ADAM19: variants seen among roughly 807,000 people sequenced by gnomAD.
ADAM19 encodes ADAM metallopeptidase domain 19, also known as disintegrin and metalloproteinase domain-containing protein 19.
ADAM19 carries 65 observed loss-of-function variants against 114.7 expected under a neutral mutation model. The ratio of observed to expected loss-of-function variants is 0.57; its 90% CI spans 0.46 to 0.70. The LOEUF is 0.70. ADAM19 is among the 30% of genes least tolerant of loss of function. The pLI is 0.00. For synonymous variants in ADAM19, 466 were observed against 460.5 expected (o/e 1.01, Z -0.15); for missense variants, 1,063 against 1,204.7 (o/e 0.88, Z 1.74).
intron 2 of ADAM19, among the ~76,000 whole-genome samples, chr5:157,565,641 G>A (rs559879066): frequency 5.3e-5 from 8 of 151,562 alleles, no homozygotes; most frequent in Middle Eastern, 3.4e-3. Context: ...CCTGGGAGGC[G>A]AAGGTTGCAG....
In ADAM19 at chr5:157,499,597, G is replaced by C. The variant is rs114344861; in HGVS notation, c.1374C>G (p.His458Gln). The C allele has an allele frequency of 9.3e-6, 15 of 1,613,436 alleles. No homozygotes were observed. Among genetic ancestry groups the C allele is most frequent in the African/African-American group, 2.7e-5 (2 of 74,994 alleles). ...CTLRPGAECA[H>Q]GSCCHQCKLL... ...CCTTACACTGGTGGCAGCAGGAGCCGTGAGCACACTCCGCCCCCGGCCTCA... is the reference window on the plus strand; with the variant it reads ...CCTTACACTGGTGGCAGCAGGAGCCCTGAGCACACTCCGCCCCCGGCCTCA... The change falls in exon 13 of 23, where the codon CAC (histidine) becomes CAG (glutamine). Residue 458 changes from histidine (H) to glutamine (Q), a missense_variant. By Grantham distance (24) the His-to-Gln change is conservative. Around this residue, in one of 3 missense-constraint regions of ADAM19, gnomAD observed 615 missense variants for 706.3 expected, o/e 0.87. Coordinates refer to ENST00000257527, the MANE Select transcript of ADAM19 (RefSeq NM_033274.5).
intron 3 of ADAM19, among the ~76,000 whole-genome samples, chr5:157,556,220 T>C (rs9313644): frequency 0.084 from 10,891 of 129,972 alleles, 452 homozygotes; most frequent in Middle Eastern, 0.14. Context: ...TTTTTTTTTT[T>C]TTTTTTTTTT....
chr5:157,536,489 G>A (rs1475553871), intron 4 of ADAM19, among the ~76,000 whole-genome samples: 2 of 152,170 alleles, frequency 1.3e-5, no homozygotes, highest in Non-Finnish European at 2.9e-5. Context: ...TTAGCCAAGT[G>A]TGGTGATGCA....
At chr5:157,524,767 G>A (rs986267748) in intron 5 of ADAM19, among the ~76,000 whole-genome samples, 1 of 152,216 alleles carries the variant, frequency 6.6e-6, no homozygotes, top group African/African-American at 2.4e-5. Context: ...CTAGCTGTGT[G>A]GTAAGTGATG....
intron 3 of ADAM19, among the ~76,000 whole-genome samples, chr5:157,556,084 G>A: frequency 6.6e-6 from 1 of 152,108 alleles, no homozygotes; most frequent in South Asian, 2.1e-4. Context: ...CTCTGTCGCT[G>A]AGGCTGGAGT....
chr5:157,518,603 C>T (rs1034115399), intron 7 of ADAM19, among the ~76,000 whole-genome samples: 1 of 152,222 alleles, frequency 6.6e-6, no homozygotes, highest in Non-Finnish European at 1.5e-5. Context: ...AGGCTGGTCT[C>T]AAACTCCTGA....
chr5:157,480,935 C>G lies in ADAM19; in HGVS notation c.*14G>C. ...CAGAGAGCTCAAGGAAAGGGAGAAGCCCCTTGGACAGGTCTAGATTTTCGA... is the reference window on the plus strand; with the variant it reads ...CAGAGAGCTCAAGGAAAGGGAGAAGGCCCTTGGACAGGTCTAGATTTTCGA... On this transcript the variant is annotated 3_prime_UTR_variant, in exon 23 of 23. Transcript: ENST00000257527. 1 of 1,614,106 alleles carries G rather than the reference C, an allele frequency of 6.2e-7. No individual in the cohort carries two copies. Among genetic ancestry groups the G allele is most frequent in the South Asian group, 1.1e-5 (1 of 91,084 alleles).
chr5:157,494,619 A>G, intron 15 of ADAM19, 68 bp downstream of exon 15: 1 of 1,363,964 alleles, frequency 7.3e-7, no homozygotes, highest in Non-Finnish European at 1.0e-6. Flanking sequence ...TGAGTTGGGC[A>G]ACAGTGAGGA....
rs1754679493 is a variant in ADAM19 at position 157,479,295 on chromosome 5, T to C, written c.*1654A>G. The C allele has an allele frequency of 2.0e-6, 2 of 985,906 alleles. No individual in the cohort carries two copies. The highest frequency in any genetic ancestry group is 2.4e-6 in the Non-Finnish European group (2 of 830,000). The allele number at this position is 985,906 out of a possible 1,614,324, so 61.1% of individuals were successfully genotyped here. ...CCCAAGAACATCCAAGAAGCACCTA[T>C]TGTGTGCAGAGAACTATAAGGAGGC... On this transcript the variant is annotated 3_prime_UTR_variant, in exon 23 of 23. Transcript: ENST00000257527.
chr5:157,480,536 G>A lies in ADAM19; in HGVS notation c.*413C>T. The A allele has an allele frequency of 5.9e-6, 6 of 1,018,692 alleles. No homozygotes were observed. Among genetic ancestry groups the A allele is most frequent in the Non-Finnish European group, 7.1e-6 (6 of 850,526 alleles). The allele number at this position is 1,018,692 out of a possible 1,614,324, so 63.1% of individuals were successfully genotyped here. A position where few individuals can be genotyped will look rare whatever the true frequency, so the allele number is the denominator to read the frequency against. On this transcript the variant is annotated 3_prime_UTR_variant, in exon 23 of 23. Coordinates refer to ENST00000257527, the MANE Select transcript of ADAM19 (RefSeq NM_033274.5). ...CCCGGGACCTCTGAGGAGAGCAGAA[G>A]CAATGGGAAGCTCTCTTGCGTGCCC...
chr5:157,575,743 A>T lies in ADAM19; in HGVS notation c.-47T>A, dbSNP rs1394488839. The T allele has an allele frequency of 1.6e-6, 2 of 1,237,004 alleles. No homozygotes were observed. The highest frequency in any genetic ancestry group is 3.2e-5 in the East Asian group (1 of 31,466). The allele number at this position is 1,237,004 out of a possible 1,614,324, so 76.6% of individuals were successfully genotyped here. A position where few individuals can be genotyped will look rare whatever the true frequency, so the allele number is the denominator to read the frequency against. On this transcript the variant is annotated 5_prime_UTR_variant, in exon 1 of 23. Transcript: ENST00000257527. ...TCGGCGCTCACACGCCCTCAGCCAT[A>T]CCTGCCCACTGCCCGGCGGTGGAGG...
At chr5:157,491,973 A>T in intron 16 of ADAM19, 61 bp from the exon 17 acceptor site, 3 of 1,574,488 alleles carry the variant, frequency 1.9e-6, no homozygotes, top group Non-Finnish European at 2.6e-6. Context: ...GGGAGTTAGG[A>T]GGCAAGATTT....
intron 2 of ADAM19, among the ~76,000 whole-genome samples, chr5:157,567,816 A>C (rs1186152157): frequency 6.6e-6 from 1 of 151,926 alleles, no homozygotes; most frequent in Non-Finnish European, 1.5e-5. Flanking sequence ...AAAAAAATAA[A>C]AAAGAAAGAA....
intron 4 of ADAM19, among the ~76,000 whole-genome samples, chr5:157,535,450 T>C (rs148972006): frequency 6.8e-4 from 103 of 152,354 alleles, no homozygotes; most frequent in African/African-American, 2.2e-3. Flanking sequence ...CCATTTTTCA[T>C]TGAGCTCTCA....
intron 1 of ADAM19, among the ~76,000 whole-genome samples, chr5:157,574,142 A>G (rs538027233): frequency 7.9e-5 from 12 of 152,366 alleles, no homozygotes; most frequent in African/African-American, 2.9e-4. Flanking sequence ...ATATATCCAT[A>G]GGAACACACA....
intron 3 of ADAM19, among the ~76,000 whole-genome samples, chr5:157,559,562 C>T (rs1057244351): frequency 2.6e-5 from 4 of 152,184 alleles, no homozygotes; most frequent in African/African-American, 9.7e-5. Flanking sequence ...GGCGCTGGGG[C>T]TCACATAACC....
At chr5:157,487,702 G>T (rs1181257059) in intron 21 of ADAM19, among the ~76,000 whole-genome samples, 1 of 152,216 alleles carries the variant, frequency 6.6e-6, no homozygotes, top group African/African-American at 2.4e-5. Context: ...CCTCCCAGAG[G>T]CACCTGCCCC....
intron 3 of ADAM19, among the ~76,000 whole-genome samples, chr5:157,545,523 G>A (rs766548697): frequency 5.3e-5 from 8 of 152,030 alleles, no homozygotes; most frequent in East Asian, 1.9e-4. Flanking sequence ...CATTCTATGC[G>A]TTGCCCCATA....
chr5:157,517,968 C>T (rs547541368), intron 7 of ADAM19, among the ~76,000 whole-genome samples: 3 of 152,178 alleles, frequency 2.0e-5, no homozygotes, highest in South Asian at 2.1e-4. Context: ...GGGCAGGGCC[C>T]GAGAATTTGC....
Sources: allele counts gnomAD v4.1 joint callset (sites outside exome capture counted in the v4.1 genomes callset), GRCh38; gene constraint gnomAD v4.1.1; regional missense constraint gnomAD v4.1.1; transcripts MANE v1.5; gene names NCBI Gene and HGNC (gene_info 2026-07-23, HGNC 2026-07-21).